The following CD58 variants were observed in gnomAD, a reference collection of about 807,000 sequenced individuals.
The protein encoded by CD58 is lymphocyte function-associated antigen 3.
Under a neutral mutation model 27.6 loss-of-function variants are expected in CD58, and 14 were observed. The ratio of observed to expected loss-of-function variants is 0.51; its 90% CI spans 0.34 to 0.79. The LOEUF is 0.79. Among genes scored for constraint, CD58 ranks in the 30% least tolerant of loss-of-function variants. CD58 has a pLI of 0.02. For missense variants in CD58, 268 were observed against 301.7 expected (o/e 0.89, Z 0.83); for synonymous variants, 117 against 103.8 (o/e 1.13, Z -0.77).
At position 116,517,102 on chromosome 1, in the gene CD58, T is replaced by C. The variant is rs1657106268; in HGVS notation, c.743+2129A>G. On this transcript the variant is annotated intron_variant, in intron 5 of 5. Coordinates refer to ENST00000369489, the MANE Select transcript of CD58 (RefSeq NM_001779.3). This position sits in a 1 kb window ranked among gnomAD's most constrained non-coding sequence, Gnocchi z 6.5. ...TACCCCCATCATTGGTAGTGATGGC[T>C]ATGCCTCCCCCATCCACTCAGAGTT... Among the ~76,000 whole-genome samples the C allele has an allele frequency of 6.6e-6, 1 of 151,868 alleles. No individual in the cohort carries two copies.
intron 1 of CD58, chr1:116,560,175 C>A (rs931847366): frequency 1.3e-5 from 2 of 152,094 alleles, no homozygotes; most frequent in African/African-American, 4.8e-5. Context: ...AAATTAATTT[C>A]ACATGTTCCA....
In CD58 at chr1:116,521,510, CCCTT is replaced by C. The variant is rs1361833656; in HGVS notation, c.706+392_706+395del. Among the ~76,000 whole-genome samples, 2 of 152,222 alleles carry C rather than the reference CCCTT, an allele frequency of 1.3e-5. No individual in the cohort carries two copies. The highest frequency in any genetic ancestry group is 2.9e-5 in the Non-Finnish European group (2 of 68,032). The stretch of plus-strand genomic sequence containing the variant: ...TAAGTCACTTAACTCAACCAAAACT[CCCTT>C]CCTACCTGGGAGCCCCATTCGTGTT... On this transcript the variant is annotated intron_variant, in intron 4 of 5. Transcript: ENST00000369489. This position sits in a 1 kb window ranked among gnomAD's most constrained non-coding sequence, Gnocchi z 5.6.
intron 3 of CD58, chr1:116,533,291 C>A (rs1192753764): frequency 2.2e-6 from 3 of 1,373,034 alleles, no homozygotes; most frequent in Non-Finnish European, 3.1e-6. Context: ...TCTGCTTTTT[C>A]TTGATGGTTT....
At chr1:116,549,724 G>T (rs1222892470) in intron 1 of CD58, among the ~76,000 whole-genome samples, 1 of 152,078 alleles carries the variant, frequency 6.6e-6, no homozygotes, top group Non-Finnish European at 1.5e-5. Context: ...ACAATCTCCA[G>T]TTCTATAATC....
At chr1:116,562,130 C>T in intron 1 of CD58, among the ~76,000 whole-genome samples, 1 of 151,928 alleles carries the variant, frequency 6.6e-6, no homozygotes, top group East Asian at 1.9e-4. Flanking sequence ...AATACATTGT[C>T]ATCTAATGTT....
Position 116,519,205 on chromosome 1 carries a change from GA to G in CD58, c.743+25del. 1.2e-6 allele frequency: 2 copies of G among 1,611,940 alleles called. No individual in the cohort carries two copies. The highest frequency in any genetic ancestry group is 1.7e-6 in the Non-Finnish European group (2 of 1,178,834). On this transcript the variant is annotated intron_variant, in intron 5 of 5. Coordinates refer to ENST00000369489, the MANE Select transcript of CD58 (RefSeq NM_001779.3). This position sits in a 1 kb window ranked among gnomAD's most constrained non-coding sequence, Gnocchi z 4.7. ...GCAGGGCTGCTGTTGTTCTGGCACA[GA>G]GTGCACAGCCTGCAGTGTACTTACT...
chr1:116,556,360 A>G (rs1658566026), intron 1 of CD58, among the ~76,000 whole-genome samples: 1 of 18,232 alleles, frequency 5.5e-5, no homozygotes, highest in African/African-American at 1.9e-4. Context: ...AGGCACAACA[A>G]TGTTAAGTAA....
chr1:116,540,711 C>T (rs1276193203), intron 2 of CD58, among the ~76,000 whole-genome samples: 2 of 152,218 alleles, frequency 1.3e-5, no homozygotes, highest in Non-Finnish European at 2.9e-5. Flanking sequence ...CTCCCCTGTA[C>T]TTTACTCCTC....
rs558047139 is a variant in CD58, at chr1:116,523,350, A to G, written c.629-1367T>C. Among the ~76,000 whole-genome samples the G allele has an allele frequency of 3.3e-5, 5 of 152,308 alleles. No homozygotes were observed. The highest frequency in any genetic ancestry group is 1.2e-4 in the African/African-American group (5 of 41,560). ...GGATTGGGGAGGGGTCACTAAGAAC[A>G]AATGTGACATGGATATGGGAAAGGA... On this transcript the variant is annotated intron_variant, in intron 3 of 5. Coordinates refer to ENST00000369489, the MANE Select transcript of CD58 (RefSeq NM_001779.3). The surrounding 1 kb of genome is among the most constrained non-coding windows in gnomAD (Gnocchi z 4.4).
chr1:116,562,658 A>C (rs990226067), intron 1 of CD58, among the ~76,000 whole-genome samples: 4 of 152,212 alleles, frequency 2.6e-5, no homozygotes, highest in Non-Finnish European at 5.9e-5. Context: ...GTCATGTCTT[A>C]ATGGTGGCAG....
intron 1 of CD58, among the ~76,000 whole-genome samples, chr1:116,569,441 T>A (rs1046643315): frequency 3.9e-5 from 6 of 152,114 alleles, no homozygotes; most frequent in African/African-American, 1.4e-4. Context: ...AAGGGGACAC[T>A]CAGCAATCTT....
Position 116,544,581 on chromosome 1 carries a change from G to T in CD58, c.94C>A (p.Gln32Lys). 6.3e-7 allele frequency: 1 copy of T among 1,583,384 alleles called. No individual in the cohort carries two copies. Among genetic ancestry groups the T allele is most frequent in the Non-Finnish European group, 8.6e-7 (1 of 1,165,458 alleles). The change falls in exon 2 of 6, where the codon CAA becomes AAA. Residue 32 changes from glutamine (Q) to lysine (K), a missense_variant. Physicochemically the swap from Gln to Lys is moderately conservative, Grantham distance 53. Transcript: ENST00000369489. ...CFGFISCFSQ[Q>K]IYGVVYGNVT... Reference sequence around the variant, plus strand: ...TTCCCATACACAACACCATATATTTGTTGGGAAAAACAGCTGATGAAACCT... The same window carrying T: ...TTCCCATACACAACACCATATATTTTTTGGGAAAAACAGCTGATGAAACCT...
In CD58 at chr1:116,519,188, G is replaced by A; in HGVS notation, c.743+43C>T. 6.2e-7 allele frequency: 1 copy of A among 1,610,568 alleles called. No homozygotes were observed. Among genetic ancestry groups the A allele is most frequent in the Non-Finnish European group, 8.5e-7 (1 of 1,178,152 alleles). ...AGTAATGGGCATCTACAGCAGGGCT[G>A]CTGTTGTTCTGGCACAGAGTGCACA... On this transcript the variant is annotated intron_variant, in intron 5 of 5. Transcript: ENST00000369489. The surrounding 1 kb of genome is among the most constrained non-coding windows in gnomAD (Gnocchi z 4.7).
Position 116,534,023 on chromosome 1 carries a change from TCTTA to T in CD58, c.628+1938_628+1941del, listed in dbSNP as rs1275659170. 1 of 1,257,788 alleles carries T rather than the reference TCTTA, an allele frequency of 8.0e-7. No homozygotes were observed. Among genetic ancestry groups the T allele is most frequent in the African/African-American group, 1.5e-5 (1 of 67,578 alleles). The allele number at this position is 1,257,788 out of a possible 1,614,324, so 77.9% of individuals were successfully genotyped here. On this transcript the variant is annotated intron_variant, in intron 3 of 5. Coordinates refer to ENST00000369489, the MANE Select transcript of CD58 (RefSeq NM_001779.3). This position sits in a 1 kb window ranked among gnomAD's most constrained non-coding sequence, Gnocchi z 5.3. ...ATCACCTGATCCGTGAGCTTTTCCG[TCTTA>T]CTTGCATTTTTAGCAGCTTCCACGA...
chr1:116,519,366 T>G lies in CD58; in HGVS notation c.707-99A>C. The G allele has an allele frequency of 9.6e-7, 1 of 1,041,748 alleles. No individual in the cohort carries two copies. Among genetic ancestry groups the G allele is most frequent in the Non-Finnish European group, 1.5e-6 (1 of 686,446 alleles). The allele number at this position is 1,041,748 out of a possible 1,614,324, so 64.5% of individuals were successfully genotyped here. On this transcript the variant is annotated intron_variant, in intron 4 of 5. Coordinates refer to ENST00000369489, the MANE Select transcript of CD58 (RefSeq NM_001779.3). The surrounding 1 kb of genome is among the most constrained non-coding windows in gnomAD (Gnocchi z 4.7). ...TATTAGAGGCCTAAATATGGAAAAC[T>G]AAGCCAGAGCCCCATCACCCTGGGA...
Position 116,544,487 on chromosome 1 carries a change from A to G in CD58, c.188T>C (p.Val63Ala), listed in dbSNP as rs779302665. 3.1e-6 allele frequency: 5 copies of G among 1,614,118 alleles called. No homozygotes were observed. In the East Asian group the frequency reaches 1.1e-4, roughly 36 times the overall value. The change falls in exon 2 of 6, where the codon GTT (valine) becomes GCT (alanine). Residue 63 changes from valine to alanine, a missense_variant. Transcript: ENST00000369489. ...EVLWKKQKDK[V>A]AELENSEFRA... ...GAATTCAGAATTTTCCAGTTCTGCA[A>G]CTTTATCCTTTTGTTTTTTCCATAG...
rs1158092746 is a variant in CD58 at position 116,556,255 on chromosome 1, G to GAA, written c.71-11653_71-11652dup. On this transcript the variant is annotated intron_variant, in intron 1 of 5. Coordinates refer to ENST00000369489, the MANE Select transcript of CD58 (RefSeq NM_001779.3). ...GGTGACAGAGCAAGACTCCATCTCA[G>GAA]AAAAAAAAAAAAAAAAAAAAAAAAA... 1.6e-3 allele frequency among the ~76,000 whole-genome samples: 49 copies of GAA among 29,822 alleles called. 4 individuals are homozygous for GAA. The highest frequency in any genetic ancestry group is 2.8e-3 in the African/African-American group (28 of 9,946). 19.6% of individuals were successfully genotyped at this position (29,822 alleles called of 152,430 possible). A position where few individuals can be genotyped will look rare whatever the true frequency, so the allele number is the denominator to read the frequency against.
chr1:116,551,761 CAG>C (rs1658402322), intron 1 of CD58, among the ~76,000 whole-genome samples: 1 of 126,736 alleles, frequency 7.9e-6, no homozygotes, highest in African/African-American at 3.1e-5. Context: ...TTTCTTCAGA[CAG>C]AGTTTCATTC....
rs925617898 is a variant in CD58, at chr1:116,536,750, T to C, written c.365-522A>G. The stretch of plus-strand genomic sequence containing the variant: ...TCTTTATAAATTACCCAGTTTCAGG[T>C]AGTTCTTTATAGCAGTGTGAAAACA... On this transcript the variant is annotated intron_variant, in intron 2 of 5. Transcript: ENST00000369489. The surrounding 1 kb of genome is among the most constrained non-coding windows in gnomAD (Gnocchi z 5.4). 2.0e-5 allele frequency among the ~76,000 whole-genome samples: 3 copies of C among 152,152 alleles called. No individual in the cohort carries two copies. Among genetic ancestry groups the C allele is most frequent in the Non-Finnish European group, 2.9e-5 (2 of 68,034 alleles).
Sources: allele counts gnomAD v4.1 joint callset (sites outside exome capture counted in the v4.1 genomes callset), GRCh38; gene constraint gnomAD v4.1.1; non-coding constraint Gnocchi (gnomAD v3.1); transcripts MANE v1.5; gene names NCBI Gene and HGNC (gene_info 2026-07-23, HGNC 2026-07-21).